TTC29: variants seen among roughly 807,000 people sequenced by gnomAD.
The protein encoded by TTC29 is tetratricopeptide repeat domain 29, also known as tetratricopeptide repeat protein 29.
In TTC29, 49 loss-of-function variants were observed where a neutral mutation model predicts 58.1. The ratio of observed to expected loss-of-function variants is 0.84; its 90% confidence interval spans 0.67 to 1.07. The LOEUF is 1.07. Among genes scored for constraint, TTC29 ranks in the 50% least tolerant of loss-of-function variants. The probability of loss-of-function intolerance (pLI) is 0.00; values close to 1 mark genes in which losing one functional copy is unlikely to be tolerated. For missense variants in TTC29, 582 were observed against 555.6 expected (o/e 1.05, Z -0.48); for synonymous variants, 209 against 196.8 (o/e 1.06, Z -0.52).
chr4:146,793,907 G>C (rs1337373431), intron 11 of TTC29, among the ~76,000 whole-genome samples: 1 of 152,118 alleles, frequency 6.6e-6, no homozygotes, highest in Non-Finnish European at 1.5e-5. Context: ...AATAACATTT[G>C]CATGGTTAAA....
intron 11 of TTC29, among the ~76,000 whole-genome samples, chr4:146,723,337 A>G (rs1743515209): frequency 6.6e-6 from 1 of 152,148 alleles, no homozygotes; most frequent in African/African-American, 2.4e-5. Flanking sequence ...TTGGGAAATA[A>G]TTTATGACTC....
intron 9 of TTC29, among the ~76,000 whole-genome samples, chr4:146,821,985 G>GTTTTTTTTTTTTTTTTTTTTT (rs34100285): frequency 1.8e-5 from 2 of 109,598 alleles, no homozygotes; most frequent in African/African-American, 3.4e-5. Context: ...CATGTCTAGT[G>GTTTTTTTTTTTTTTTTTTTTT]TTTTTTTTTT....
At chr4:146,909,361 TGAAA>T in intron 4 of TTC29, 112 bp from the exon 5 acceptor site, 1 of 783,830 alleles carries the variant, frequency 1.3e-6, no homozygotes, top group Non-Finnish European at 2.0e-6. Flanking sequence ...TATCCCTCAG[TGAAA>T]GCACTGAAAA....
At chr4:146,806,925 C>A (rs549745459) in intron 10 of TTC29, among the ~76,000 whole-genome samples, 2 of 152,184 alleles carry the variant, frequency 1.3e-5, no homozygotes, top group Non-Finnish European at 2.9e-5. Flanking sequence ...CCCAAATCAA[C>A]AGAATATACA....
intron 11 of TTC29, among the ~76,000 whole-genome samples, chr4:146,772,292 G>T (rs1747798645): frequency 6.6e-6 from 1 of 152,030 alleles, no homozygotes; most frequent in East Asian, 1.9e-4. Flanking sequence ...TGTTGCAATT[G>T]CTTTTGGCAT....
chr4:146,742,025 G>A (rs1476755064), intron 11 of TTC29, among the ~76,000 whole-genome samples: 4 of 152,076 alleles, frequency 2.6e-5, no homozygotes, highest in Non-Finnish European at 5.9e-5. Context: ...CCATATTACA[G>A]AAGCATATGC....
intron 7 of TTC29, among the ~76,000 whole-genome samples, chr4:146,873,130 C>T (rs113353014): frequency 5.7e-4 from 87 of 152,176 alleles, no homozygotes; most frequent in African/African-American, 1.9e-3. Context: ...AATTGGCCAA[C>T]GGTTGGTGTC....
chr4:146,820,807 C>T (rs764102606), intron 9 of TTC29, among the ~76,000 whole-genome samples: 14 of 152,136 alleles, frequency 9.2e-5, no homozygotes, highest in Middle Eastern at 3.4e-3. Context: ...CCCAGGTGGG[C>T]GGATCACGAG....
Position 146,847,960 on chromosome 4 carries a change from G to A in TTC29, c.886-14063C>T, listed in dbSNP as rs185370683. Among the ~76,000 whole-genome samples the A allele has an allele frequency of 4.8e-3, 727 of 152,298 alleles. 1 individual carries two copies. The highest frequency in any genetic ancestry group is 0.016 in the African/African-American group (661 of 41,574). On this transcript the variant is annotated intron_variant, in intron 8 of 12. Coordinates refer to ENST00000325106, the MANE Select transcript of TTC29 (RefSeq NM_031956.4). ...ACTGAGGGAACTTCACAGGTACTGC[G>A]TTTAACAGTGTGGACTGTGGATACC...
At chr4:146,899,089 C>A (rs1183548043) in intron 6 of TTC29, among the ~76,000 whole-genome samples, 3 of 152,194 alleles carry the variant, frequency 2.0e-5, no homozygotes, top group Non-Finnish European at 2.9e-5. Flanking sequence ...CCAAACCTCA[C>A]CAATAAAGCT....
intron 11 of TTC29, among the ~76,000 whole-genome samples, chr4:146,779,154 A>C (rs566127851): frequency 7.0e-4 from 106 of 152,172 alleles, no homozygotes; most frequent in Middle Eastern, 6.8e-3. Flanking sequence ...TAGCTATAAG[A>C]ATAAATGTCA....
rs558535801 is a variant in TTC29, at chr4:146,840,627, A to C, written c.886-6730T>G. ...GGTGCTAGGGATACAGCAGCCAATA[A>C]TACAAAATCCCTGGCCCATTGCAGC... On this transcript the variant is annotated intron_variant, in intron 8 of 12. Transcript: ENST00000325106. 2.6e-5 allele frequency among the ~76,000 whole-genome samples: 4 copies of C among 152,264 alleles called. No individual in the cohort carries two copies. In the East Asian group the frequency reaches 5.8e-4, roughly 22 times the overall value.
chr4:146,795,585 A>G (rs1749778955), intron 11 of TTC29, among the ~76,000 whole-genome samples: 4 of 152,182 alleles, frequency 2.6e-5, no homozygotes, highest in Admixed American at 2.6e-4. Context: ...AAGACAGAGT[A>G]AAACAACATT....
At chr4:146,791,623 A>G (rs1482400702) in intron 11 of TTC29, among the ~76,000 whole-genome samples, 1 of 152,216 alleles carries the variant, frequency 6.6e-6, no homozygotes, top group Non-Finnish European at 1.5e-5. Context: ...TTCATGTGAA[A>G]GGAGGCATTG....
intron 6 of TTC29, among the ~76,000 whole-genome samples, chr4:146,891,610 T>C (rs1732369842): frequency 6.6e-6 from 1 of 152,142 alleles, no homozygotes; most frequent in South Asian, 2.1e-4. Flanking sequence ...ACACAGGATA[T>C]TAGAAGCCCA....
At chr4:146,765,756 G>T (rs1747265648) in intron 11 of TTC29, among the ~76,000 whole-genome samples, 2 of 152,126 alleles carry the variant, frequency 1.3e-5, no homozygotes, top group South Asian at 4.1e-4. Context: ...ACAGACCTGG[G>T]CATTTGCCCA....
chr4:146,824,552 C>A (rs1727631147), intron 9 of TTC29, among the ~76,000 whole-genome samples: 1 of 123,558 alleles, frequency 8.1e-6, no homozygotes, highest in Non-Finnish European at 1.6e-5. Context: ...GGATATTGGC[C>A]TGAAATTTTC....
intron 4 of TTC29, among the ~76,000 whole-genome samples, chr4:146,916,855 C>A (rs1231040411): frequency 6.6e-6 from 1 of 151,436 alleles, no homozygotes; most frequent in African/African-American, 2.4e-5. Flanking sequence ...TCTATGAGAT[C>A]AGTTAACAAA....
intron 11 of TTC29, among the ~76,000 whole-genome samples, chr4:146,736,378 C>A (rs1169388597): frequency 6.6e-6 from 1 of 152,030 alleles, no homozygotes; most frequent in Admixed American, 6.6e-5. Flanking sequence ...GGTTGCCTGT[C>A]CTTTACCTGA....
Sources: allele counts gnomAD v4.1 joint callset (sites outside exome capture counted in the v4.1 genomes callset), GRCh38; gene constraint gnomAD v4.1.1; transcripts MANE v1.5; gene names NCBI Gene and HGNC (gene_info 2026-07-23, HGNC 2026-07-21).